Variants in EIF4G3 observed in about 807,000 individuals in gnomAD.
EIF4G3 encodes eIF-4-gamma 3.
A neutral mutation model predicts 186.4 loss-of-function variants in EIF4G3; 34 were observed. The ratio of observed to expected loss-of-function variants is 0.18; its 90% CI spans 0.14 to 0.24. EIF4G3 has a LOEUF of 0.24. EIF4G3 is among the 10% of genes least tolerant of loss of function. EIF4G3 has a pLI of 1.00. For missense variants in EIF4G3, 1,536 were observed against 1,948.5 expected (o/e 0.79, Z 3.99); for synonymous variants, 673 against 679.5 (o/e 0.99, Z 0.15).
intron 33 of EIF4G3, among the ~76,000 whole-genome samples, chr1:20,823,961 A>G (rs1557792122): frequency 6.6e-6 from 1 of 152,230 alleles, no homozygotes; most frequent in Non-Finnish European, 1.5e-5. Context: ...GAGCATTTTG[A>G]TTTGCTGCTT....
intron 15 of EIF4G3, among the ~76,000 whole-genome samples, chr1:20,903,578 A>G (rs2091141589): frequency 6.6e-6 from 1 of 152,182 alleles, no homozygotes. Flanking sequence ...AAGGAGTGCA[A>G]TGACTATTTG....
chr1:20,883,547 G>A (rs900101087), intron 19 of EIF4G3, among the ~76,000 whole-genome samples: 5 of 152,036 alleles, frequency 3.3e-5, no homozygotes, highest in African/African-American at 1.2e-4. Context: ...AACCTGGGAG[G>A]CGGAGGCTGC....
chr1:21,107,606 T>G (rs1463374062), intron 2 of EIF4G3, among the ~76,000 whole-genome samples: 2 of 152,216 alleles, frequency 1.3e-5, no homozygotes, highest in Non-Finnish European at 2.9e-5. Flanking sequence ...GTCCAATGTA[T>G]AAAGTTTTAT....
chr1:21,159,609 G>A (rs189155832), intron 2 of EIF4G3, among the ~76,000 whole-genome samples: 14 of 151,982 alleles, frequency 9.2e-5, no homozygotes, highest in Admixed American at 3.3e-4. Flanking sequence ...GCGTGGTGGC[G>A]CACGCCTGTA....
chr1:21,176,044 G>A (rs2098097100), intron 2 of EIF4G3, 131 bp downstream of exon 2: 1 of 261,240 alleles, frequency 3.8e-6, no homozygotes, highest in African/African-American at 2.3e-5. Flanking sequence ...CAAGCCCGAT[G>A]CAGGGGCTTG....
intron 2 of EIF4G3, among the ~76,000 whole-genome samples, chr1:21,146,700 T>G (rs2097449430): frequency 6.6e-6 from 1 of 152,042 alleles, no homozygotes; most frequent in African/African-American, 2.4e-5. Context: ...GAGGTTGCAG[T>G]GAGCCAAGAT....
chr1:21,065,331 T>C (rs2154579419), intron 3 of EIF4G3, among the ~76,000 whole-genome samples: 1 of 136,788 alleles, frequency 7.3e-6, no homozygotes, highest in Non-Finnish European at 1.6e-5. Context: ...AAACAGAAGG[T>C]AAACAGATTC....
At position 20,853,634 on chromosome 1, in the gene EIF4G3, G is replaced by A. The variant is rs201790362; in HGVS notation, c.3477C>T (p.Ala1159=). ...ACCCTGAGGGTGCTGGAGGTTGCAG[G>A]GCAGAGAATCTGTTTAAACTGGAAG... ...SSASSLNRFS[A]LQPPAPSGST... The change falls in exon 27 of 37, where the codon GCC becomes GCT. Residue 1159 remains alanine (A), a synonymous_variant. Coordinates refer to ENST00000602326, the MANE Select transcript of EIF4G3 (RefSeq NM_001391906.1). 3.1e-6 allele frequency: 5 copies of A among 1,613,914 alleles called. No homozygotes were observed. Among genetic ancestry groups the A allele is most frequent in the South Asian group, 1.1e-5 (1 of 91,068 alleles).
Position 20,865,236 on chromosome 1 carries a change from A to T in EIF4G3, c.2649T>A (p.Pro883=). 6.2e-7 allele frequency: 1 copy of T among 1,614,136 alleles called. No homozygotes were observed. The highest frequency in any genetic ancestry group is 8.5e-7 in the Non-Finnish European group (1 of 1,179,994). The change falls in exon 21 of 37, where the codon CCT becomes CCA. Residue 883 remains proline (P), a synonymous_variant. Transcript: ENST00000602326. ...VTLKVPMADK[P]GNTVNFRKLL... ...GCTTCCGGAAATTCACTGTGTTACC[A>T]GGCTTGTCTGCCATGGGTACTTTCA...
intron 3 of EIF4G3, among the ~76,000 whole-genome samples, chr1:21,068,228 G>A (rs1170231218): frequency 6.6e-6 from 1 of 151,574 alleles, no homozygotes; most frequent in Non-Finnish European, 1.5e-5. Flanking sequence ...CAAAAAATTA[G>A]CCGGGCATAA....
At chr1:21,101,603 GAGTAAGGAAGGAACAAAGAAAGAA>G (rs2096528313) in intron 2 of EIF4G3, among the ~76,000 whole-genome samples, 1 of 84,352 alleles carries the variant, frequency 1.2e-5, no homozygotes, top group Non-Finnish European at 2.3e-5. Context: ...GGGAGGGAGG[GAGTAAGGAAGGAACAAAGAAAGAA>G]AGGAAGGAAG....
chr1:20,821,632 T>A (rs2062380151), intron 33 of EIF4G3, among the ~76,000 whole-genome samples: 1 of 151,964 alleles, frequency 6.6e-6, no homozygotes. Context: ...CTATTATGTA[T>A]ACTTCTGTTA....
intron 2 of EIF4G3, among the ~76,000 whole-genome samples, chr1:21,163,872 A>G (rs1451658938): frequency 6.6e-6 from 1 of 152,130 alleles, no homozygotes; most frequent in East Asian, 1.9e-4. Context: ...CCTGAGTTCA[A>G]GCGATTCTCC....
At chr1:21,032,476 T>A (rs759908779) in intron 4 of EIF4G3, among the ~76,000 whole-genome samples, 9 of 152,166 alleles carry the variant, frequency 5.9e-5, no homozygotes, top group Non-Finnish European at 1.0e-4. Context: ...TAGTGCATCC[T>A]CTCTTCATCT....
intron 19 of EIF4G3, among the ~76,000 whole-genome samples, chr1:20,881,629 A>C (rs970787388): frequency 6.6e-6 from 1 of 151,850 alleles, no homozygotes; most frequent in East Asian, 1.9e-4. Flanking sequence ...CCTACAAAAA[A>C]TACAAAAATC....
intron 2 of EIF4G3, among the ~76,000 whole-genome samples, chr1:21,173,137 CAAAAAAAAAAAAAAA>C (rs1193601902): frequency 1.0e-4 from 3 of 29,164 alleles, no homozygotes; most frequent in Admixed American, 6.1e-4. Context: ...GACTCAATCT[CAAAAAAAAAAAAAAA>C]AAAAAAAAAA....
chr1:21,105,439 G>GA (rs568510784), intron 2 of EIF4G3, among the ~76,000 whole-genome samples: 2,364 of 125,312 alleles, frequency 0.019, 36 homozygotes, highest in Non-Finnish European at 0.027. Context: ...AAAAAAAAAA[G>GA]AAAAAAAAAA....
chr1:20,953,614 CT>C (rs1181677933), intron 12 of EIF4G3, among the ~76,000 whole-genome samples: 4 of 152,088 alleles, frequency 2.6e-5, no homozygotes, highest in Non-Finnish European at 5.9e-5. Flanking sequence ...ATTCATTTTT[CT>C]TTACATAGGC....
chr1:20,969,407 A>G, intron 12 of EIF4G3, 67 bp downstream of exon 12: 2 of 1,572,262 alleles, frequency 1.3e-6, no homozygotes, highest in Admixed American at 3.5e-5. Context: ...TGGCTATAGA[A>G]GAAAGAAGAG....
Sources: allele counts gnomAD v4.1 joint callset (sites outside exome capture counted in the v4.1 genomes callset), GRCh38; gene constraint gnomAD v4.1.1; transcripts MANE v1.5; gene names NCBI Gene and HGNC (gene_info 2026-07-23, HGNC 2026-07-21).